PKD1L1: variants seen among roughly 807,000 people sequenced by gnomAD.
PKD1L1 encodes the protein polycystin 1 like 1, transient receptor potential channel interacting, also known as polycystin-1-like protein 1.
Under a neutral mutation model 323.4 loss-of-function variants are expected in PKD1L1, and 236 were observed. The ratio of observed to expected loss-of-function variants is 0.73; its 90% confidence interval spans 0.66 to 0.81. The LOEUF is 0.81. Among genes scored for constraint, PKD1L1 ranks in the 40% least tolerant of loss-of-function variants. The pLI is 0.00. For synonymous variants in PKD1L1, 1,344 were observed against 1,335.0 expected (o/e 1.01, Z -0.15); for missense variants, 3,320 against 3,508.0 (o/e 0.95, Z 1.35).
chr7:47,893,444 T>C (rs1330450341), intron 15 of PKD1L1, among the ~76,000 whole-genome samples: 1 of 152,030 alleles, frequency 6.6e-6, no homozygotes, highest in Non-Finnish European at 1.5e-5. Context: ...GGATCATGGA[T>C]GGATCCACAT....
chr7:47,850,547 G>A (rs1424510636), intron 31 of PKD1L1, among the ~76,000 whole-genome samples: 1 of 145,358 alleles, frequency 6.9e-6, no homozygotes, highest in African/African-American at 2.6e-5. Flanking sequence ...CAGGAGAATC[G>A]CTTGAACCCA....
Position 47,775,064 on chromosome 7 carries a change from T to C in PKD1L1, c.*79A>G. On this transcript the variant is annotated 3_prime_UTR_variant, in exon 57 of 57. Transcript: ENST00000289672. ...CCTCAGCTCTTCTCACCTGCAAAAC[T>C]AGGATGTCTGCTAAAATTGGCTGTT... is the stretch of plus-strand genomic sequence containing the variant. The C allele has an allele frequency of 2.7e-6, 4 of 1,500,842 alleles. No homozygotes were observed. The highest frequency in any genetic ancestry group is 1.2e-5 in the South Asian group (1 of 85,470). 93.0% of individuals were successfully genotyped at this position (1,500,842 alleles called of 1,614,324 possible). A position where few individuals can be genotyped will look rare whatever the true frequency, so the allele number is the denominator to read the frequency against.
At chr7:47,902,608 G>A (rs767656878) in intron 12 of PKD1L1, 97 bp from the exon 13 acceptor site, 124 of 1,377,504 alleles carry the variant, frequency 9.0e-5, no homozygotes, top group Non-Finnish European at 1.2e-4. Context: ...CAGAATTATA[G>A]TATTTGACAG....
At position 47,811,905 on chromosome 7, in the gene PKD1L1, G is replaced by A. The variant is rs367611487; in HGVS notation, c.7493C>T (p.Thr2498Met). Residue 2498 changes from threonine to methionine, a missense_variant, in exon 50 of 57, where the codon ACG becomes ATG. Thr to Met is a moderately conservative substitution (Grantham distance 81). Transcript: ENST00000289672. ...SVSLRVEILP[T>M]GSLVPSSLVE... Reference sequence around the variant, plus strand: ...CAGGGATGAGGGGACGAGACTCCCCGTAGGGAGGATCTCCACTCTCAGGGA... The same window carrying A: ...CAGGGATGAGGGGACGAGACTCCCCATAGGGAGGATCTCCACTCTCAGGGA... 4.8e-5 allele frequency: 77 copies of A among 1,610,276 alleles called. No homozygotes were observed. The highest frequency in any genetic ancestry group is 2.7e-4 in the African/African-American group (20 of 74,948).
At chr7:47,827,204 G>A in intron 45 of PKD1L1, 146 bp downstream of exon 45, 1 of 628,454 alleles carries the variant, frequency 1.6e-6, no homozygotes, top group Non-Finnish European at 2.6e-6. Flanking sequence ...AATAAGGATG[G>A]CTCTGGGGAC....
chr7:47,880,873 C>A, intron 20 of PKD1L1, 68 bp from the exon 21 acceptor site: 2 of 1,297,224 alleles, frequency 1.5e-6, no homozygotes, highest in Admixed American at 2.0e-5. Context: ...CACACAGAGT[C>A]CTTGGAAATG....
chr7:47,814,726 C>T (rs1584962703), intron 47 of PKD1L1, among the ~76,000 whole-genome samples: 2 of 152,124 alleles, frequency 1.3e-5, no homozygotes, highest in African/African-American at 4.8e-5. Context: ...GTTGGCCAGG[C>T]TGGTCTCGAA....
intron 4 of PKD1L1, among the ~76,000 whole-genome samples, chr7:47,936,187 C>T (rs1366674182): frequency 1.3e-5 from 2 of 152,084 alleles, no homozygotes; most frequent in African/African-American, 2.4e-5. Context: ...AATAACATAA[C>T]ATTTACCATC....
chr7:47,785,932 G>A (rs1008664935), intron 56 of PKD1L1, among the ~76,000 whole-genome samples: 1 of 151,922 alleles, frequency 6.6e-6, no homozygotes, highest in Non-Finnish European at 1.5e-5. Flanking sequence ...AGGAGGCACG[G>A]GGTTTCACTA....
At chr7:47,957,856 A>T in the PKD1L1 span, among the ~76,000 whole-genome samples, 1 of 45,882 alleles carries the variant, frequency 2.2e-5, no homozygotes, top group African/African-American at 5.8e-5. Context: ...AATACAATTA[A>T]AAAAAAATAT....
intron 21 of PKD1L1, among the ~76,000 whole-genome samples, chr7:47,880,167 TAGAGAGAGAG>T (rs56742103): frequency 3.8e-4 from 50 of 133,148 alleles, no homozygotes; most frequent in African/African-American, 1.2e-3. Flanking sequence ...AGGGTTTAAA[TAGAGAGAGAG>T]AGAGAGAGAG....
chr7:47,830,091 G>A lies in PKD1L1; in HGVS notation c.6507C>T (p.His2169=). The A allele has an allele frequency of 1.9e-6, 3 of 1,614,172 alleles. No individual in the cohort carries two copies. Among genetic ancestry groups the A allele is most frequent in the Non-Finnish European group, 2.5e-6 (3 of 1,180,034 alleles). Residue 2169 remains histidine (H), a synonymous_variant, in exon 43 of 57, where the codon CAC becomes CAT. Transcript: ENST00000289672. ...FGQEQCVQWL[H]LLSLSVVCCI... ...AGCAGACCACGGAGAGGGACAGCAG[G>A]TGCAGCCACTGCACACATTGCTCCT...
chr7:47,947,470 G>A (rs1450982831), intron 1 of PKD1L1, among the ~76,000 whole-genome samples: 1 of 152,248 alleles, frequency 6.6e-6, no homozygotes, highest in Non-Finnish European at 1.5e-5. Flanking sequence ...TGCCAGGCCA[G>A]GGGACAGCGG....
At chr7:47,869,331 T>C (rs748592448) in intron 24 of PKD1L1, among the ~76,000 whole-genome samples, 4 of 152,164 alleles carry the variant, frequency 2.6e-5, no homozygotes, top group Non-Finnish European at 5.9e-5. Flanking sequence ...TGTAAGACTA[T>C]ACACAAAACC....
At chr7:47,865,538 A>G (rs1786145385) in intron 25 of PKD1L1, among the ~76,000 whole-genome samples, 1 of 132,598 alleles carries the variant, frequency 7.5e-6, no homozygotes, top group African/African-American at 3.0e-5. Context: ...CTGATGAAAT[A>G]AGGGTGCAGA....
At position 47,792,382 on chromosome 7, in the gene PKD1L1, G is replaced by A. The variant is rs149649382; in HGVS notation, c.8526+245C>T. Among the ~76,000 whole-genome samples the A allele has an allele frequency of 2.9e-4, 44 of 152,000 alleles. 1 individual carries two copies. In the East Asian group the frequency reaches 7.7e-3, roughly 27 times the overall value. On this transcript the variant is annotated intron_variant, in intron 56 of 56. Coordinates refer to ENST00000289672, the MANE Select transcript of PKD1L1 (RefSeq NM_138295.5). ...CTCAGTCTCCTTGTTGATTTCAGTT[G>A]TAATCAGAAATAAGGGGCAGACAGA...
chr7:47,813,005 C>A (rs1562941866), intron 49 of PKD1L1, 116 bp downstream of exon 49: 25 of 1,292,304 alleles, frequency 1.9e-5, no homozygotes, highest in Non-Finnish European at 2.6e-5. Flanking sequence ...GGTGCGCTGA[C>A]CTCGCAGGCC....
At chr7:47,948,613 A>C, upstream of PKD1L1, 1 of 603,782 alleles carries the variant, frequency 1.7e-6, no homozygotes. Context: ...CATTTTCCCA[A>C]GCAGAAACAG....
rs993528917 is a variant in PKD1L1, at chr7:47,946,375, ACAC to A, written c.44+2019_44+2021del. Among the ~76,000 whole-genome samples the A allele has an allele frequency of 2.0e-5, 3 of 149,562 alleles. No individual in the cohort carries two copies. Among genetic ancestry groups the A allele is most frequent in the Admixed American group, 1.3e-4 (2 of 14,946 alleles). On this transcript the variant is annotated intron_variant, in intron 1 of 56. Transcript: ENST00000289672. The surrounding 1 kb of genome is among the most constrained non-coding windows in gnomAD (Gnocchi z 4.1). ...CCACACAAACACACACCACACACTC[ACAC>A]CACACCACACTCACACCACACAAAC...
Sources: gnomAD v4.1 joint callset for allele counts (sites outside exome capture counted in the v4.1 genomes callset) on GRCh38, gnomAD v4.1.1 for gene constraint, Gnocchi (gnomAD v3.1) non-coding constraint, MANE v1.5 for transcripts, NCBI Gene and HGNC (gene_info 2026-07-23, HGNC 2026-07-21) for gene names.